The following NAV3 variants were observed in gnomAD, a reference collection of about 807,000 sequenced individuals.
NAV3 encodes the protein neuron navigator 3.
A neutral mutation model predicts 244.7 loss-of-function variants in NAV3; 87 were observed. The ratio of observed to expected loss-of-function variants is 0.36; its 90% CI spans 0.30 to 0.42. The LOEUF is 0.42. Ranked by LOEUF, NAV3 falls within the 20% of genes least tolerant of loss-of-function variation. NAV3 has a pLI of 1.00. For missense variants in NAV3, 2,663 were observed against 2,893.3 expected (o/e 0.92, Z 1.83); for synonymous variants, 1,126 against 1,042.2 (o/e 1.08, Z -1.55).
rs540863736 is a variant in NAV3 at position 77,580,219 on chromosome 12, A to AAAACACACAC, written c.72+7954_72+7955insAACACACACA. On this transcript the variant is annotated intron_variant, in intron 2 of 8. Transcript: ENST00000550042. ...TTTCTTTATTTGGGGGTAGGGTGGGAACACACACACACACACACACACACA... is the reference window on the plus strand; with the variant it reads ...TTTCTTTATTTGGGGGTAGGGTGGGAAAACACACACACACACACACACACACACACACACA... Among the ~76,000 whole-genome samples the AAAACACACAC allele has an allele frequency of 5.6e-3, 817 of 145,486 alleles. 5 individuals carry two copies. The highest frequency in any genetic ancestry group is 0.014 in the Middle Eastern group (4 of 290).
At chr12:77,718,425 T>C (rs1168971142) in intron 2 of NAV3, among the ~76,000 whole-genome samples, 4 of 152,140 alleles carry the variant, frequency 2.6e-5, no homozygotes, top group Admixed American at 2.6e-4. Context: ...TTCTGCTCCA[T>C]TGGTTTATAT....
chr12:77,842,630 T>C (rs542772300), intron 1 of NAV3, among the ~76,000 whole-genome samples: 1 of 150,492 alleles, frequency 6.6e-6, no homozygotes, highest in East Asian at 1.9e-4. Context: ...GGCTTGGAGG[T>C]ATTGTGAAAC....
intron 2 of NAV3, among the ~76,000 whole-genome samples, chr12:77,766,163 A>G (rs1869741999): frequency 6.6e-6 from 1 of 152,232 alleles, no homozygotes; most frequent in Admixed American, 6.5e-5. Flanking sequence ...TAATAAAAAT[A>G]AACTTAGCTC....
intron 2 of NAV3, among the ~76,000 whole-genome samples, chr12:77,709,097 A>T (rs1253791845): frequency 2.0e-5 from 3 of 152,112 alleles, no homozygotes; most frequent in Admixed American, 6.6e-5. Flanking sequence ...CAAAAAACTT[A>T]TCCACCATGA....
intron 2 of NAV3, among the ~76,000 whole-genome samples, chr12:77,708,360 A>G (rs1444554633): frequency 6.6e-6 from 1 of 152,136 alleles, no homozygotes; most frequent in Non-Finnish European, 1.5e-5. Flanking sequence ...CAAAGATCAG[A>G]TGGTTGTAGA....
intron 1 of NAV3, among the ~76,000 whole-genome samples, chr12:77,921,105 T>A (rs2137171440): frequency 6.6e-6 from 1 of 152,178 alleles, no homozygotes; most frequent in Non-Finnish European, 1.5e-5. Flanking sequence ...ATGTGAAATA[T>A]TCAACAGACT....
chr12:77,707,768 A>T (rs1282558558), intron 2 of NAV3, among the ~76,000 whole-genome samples: 5 of 152,236 alleles, frequency 3.3e-5, no homozygotes, highest in East Asian at 1.9e-4. Context: ...CTGGTGTGAG[A>T]TGGTATCTCA....
intron 1 of NAV3, among the ~76,000 whole-genome samples, chr12:77,883,518 A>G (rs1309648075): frequency 6.6e-6 from 1 of 152,140 alleles, no homozygotes; most frequent in South Asian, 2.1e-4. Context: ...TGATGGGTCC[A>G]TACACAAACC....
intron 2 of NAV3, among the ~76,000 whole-genome samples, chr12:77,611,573 C>T (rs994504352): frequency 5.3e-5 from 8 of 151,776 alleles, no homozygotes; most frequent in Non-Finnish European, 1.0e-4. Flanking sequence ...AATTTCTTCT[C>T]AATCACCAGT....
At chr12:78,202,921 A>G (rs368460261) in intron 38 of NAV3, among the ~76,000 whole-genome samples, 1 of 152,160 alleles carries the variant, frequency 6.6e-6, no homozygotes. Context: ...GATTGGAGAA[A>G]GAAGTGGAGA....
At chr12:77,992,749 G>T (rs1300808370) in intron 5 of NAV3, among the ~76,000 whole-genome samples, 1 of 152,154 alleles carries the variant, frequency 6.6e-6, no homozygotes, top group Non-Finnish European at 1.5e-5. Context: ...GCCTTTAAGA[G>T]ATGTGGAAAC....
At chr12:77,587,249 T>C (rs778762351) in intron 2 of NAV3, among the ~76,000 whole-genome samples, 6 of 152,160 alleles carry the variant, frequency 3.9e-5, no homozygotes, top group Non-Finnish European at 5.9e-5. Context: ...GGGGATGAAA[T>C]GCTGTTTCAA....
At position 77,714,777 on chromosome 12, in the gene NAV3, CTTTT is replaced by C. The variant is rs1876285909; in HGVS notation, c.72+142512_72+142515del. 3.3e-5 allele frequency among the ~76,000 whole-genome samples: 5 copies of C among 152,030 alleles called. No individual in the cohort carries two copies. The South Asian group carries it at 6.2e-4, about 19-fold the overall frequency. ...ATTTGCAAAGACATTTAATCTATTC[CTTTT>C]ATACAGTATCTCTAACAATTTGGGA... On this transcript the variant is annotated intron_variant, in intron 2 of 8. Transcript: ENST00000550042.
At chr12:77,592,737 G>C (rs746672422) in intron 2 of NAV3, among the ~76,000 whole-genome samples, 1 of 152,130 alleles carries the variant, frequency 6.6e-6, no homozygotes, top group Non-Finnish European at 1.5e-5. Flanking sequence ...CAAATGTTTT[G>C]GCTGGATGAT....
At chr12:77,689,228 C>A (rs1874894983) in intron 2 of NAV3, among the ~76,000 whole-genome samples, 1 of 151,908 alleles carries the variant, frequency 6.6e-6, no homozygotes, top group African/African-American at 2.4e-5. Flanking sequence ...TGAACATCTG[C>A]TGCTAGGGGA....
intron 3 of NAV3, among the ~76,000 whole-genome samples, chr12:77,964,363 G>A (rs1429850931): frequency 6.6e-6 from 1 of 151,986 alleles, no homozygotes; most frequent in Non-Finnish European, 1.5e-5. Flanking sequence ...TTCTATAAAA[G>A]GCATATAATT....
chr12:77,725,621 A>G (rs532381190), intron 2 of NAV3, among the ~76,000 whole-genome samples: 2 of 151,916 alleles, frequency 1.3e-5, no homozygotes, highest in Non-Finnish European at 2.9e-5. Context: ...CAAACCATTC[A>G]AAATTTGGAA....
intron 2 of NAV3, among the ~76,000 whole-genome samples, chr12:77,623,280 G>A (rs528744080): frequency 5.3e-4 from 80 of 152,056 alleles, no homozygotes; most frequent in Non-Finnish European, 1.1e-3. Context: ...AATAAGAAAG[G>A]CCTGTTTTTA....
intron 20 of NAV3, among the ~76,000 whole-genome samples, chr12:78,142,581 AG>A (rs77832046): frequency 0.11 from 16,035 of 150,738 alleles, 954 homozygotes; most frequent in East Asian, 0.25. Flanking sequence ...CAAAATGATG[AG>A]GATAATTAGA....
Sources: allele counts gnomAD v4.1 joint callset (sites outside exome capture counted in the v4.1 genomes callset), GRCh38; gene constraint gnomAD v4.1.1; transcripts MANE v1.5; gene names NCBI Gene and HGNC (gene_info 2026-07-23, HGNC 2026-07-21).